N4BP3: variants seen among roughly 807,000 people sequenced by gnomAD.
The protein encoded by N4BP3 is NEDD4-binding protein 3.
A neutral mutation model predicts 43.8 loss-of-function variants in N4BP3; 33 were observed. The ratio of observed to expected loss-of-function variants is 0.75; its 90% CI spans 0.57 to 1.01. The LOEUF (loss-of-function observed/expected upper bound fraction) is 1.01, where lower values mean the gene tolerates loss of function less well. N4BP3 is among the 50% of genes least tolerant of loss of function. N4BP3 has a pLI of 0.00. For missense variants in N4BP3, 756 were observed against 744.2 expected, an observed-to-expected ratio of 1.02 and a Z score of -0.18; for synonymous variants, 326 against 321.9, an observed-to-expected ratio of 1.01 and a Z score of -0.14.
At chr5:178,119,528 C>A in intron 1 of N4BP3, 26 bp from the exon 2 acceptor site, 1 of 1,485,570 alleles carries the variant, frequency 6.7e-7, no homozygotes, top group East Asian at 2.3e-5. Context: ...GCTCACCTGC[C>A]CCTAATGGAG....
In N4BP3 at chr5:178,121,920, C is replaced by T; in HGVS notation, c.1554C>T (p.Asn518=). The T allele has an allele frequency of 6.2e-7, 1 of 1,612,278 alleles. No homozygotes were observed. Among genetic ancestry groups the T allele is most frequent in the Non-Finnish European group, 8.5e-7 (1 of 1,179,842 alleles). ...GGTACATGGACATGTACCGCCGCAA[C>T]CAGGCACTGGAGCAGGAACTGCGGG... ...QGGYMDMYRR[N]QALEQELRAL... is the part of the protein sequence containing the mutation. Residue 518 remains asparagine, a synonymous_variant, in exon 5 of 5, where the codon AAC becomes AAT. Transcript: ENST00000274605.
At position 178,120,234 on chromosome 5, in the gene N4BP3, A is replaced by G. The variant is rs1395269073; in HGVS notation, c.387A>G (p.Leu129=). 1.2e-6 allele frequency: 2 copies of G among 1,602,400 alleles called. No individual in the cohort carries two copies. The highest frequency in any genetic ancestry group is 1.7e-6 in the Non-Finnish European group (2 of 1,173,040). Residue 129 remains leucine (L), a synonymous_variant, in exon 3 of 5, where the codon CTA becomes CTG. Transcript: ENST00000274605. The part of the protein sequence containing the change: ...KPTAGNGKGF[L]SMQSLASHKG... Reference sequence around the variant, plus strand: ...CGGCGGGCAACGGGAAAGGCTTCCTATCCATGCAAAGTCTGGCGTCCCACA... The same window carrying G: ...CGGCGGGCAACGGGAAAGGCTTCCTGTCCATGCAAAGTCTGGCGTCCCACA...
At chr5:178,120,000 G>A in intron 2 of N4BP3, 87 bp downstream of exon 2, 1 of 1,482,274 alleles carries the variant, frequency 6.7e-7, no homozygotes, top group Middle Eastern at 1.8e-4. Context: ...TGGGGACGGG[G>A]CATGCTGAGA....
chr5:178,116,551 AC>A (rs1349864982), intron 1 of N4BP3, among the ~76,000 whole-genome samples: 1 of 152,022 alleles, frequency 6.6e-6, no homozygotes, highest in Non-Finnish European at 1.5e-5. Context: ...CCTGTGGGTG[AC>A]CTTGTGCACA....
intron 2 of N4BP3, 112 bp from the exon 3 acceptor site, chr5:178,120,066 C>A: frequency 1.3e-6 from 2 of 1,481,580 alleles, no homozygotes; most frequent in South Asian, 2.7e-5. Flanking sequence ...CCTGGTGGCA[C>A]GTGCCCCGCG....
rs769741583 is a variant in N4BP3 at position 178,121,764 on chromosome 5, G to A, written c.1398G>A (p.Glu466=). 15 of 1,608,166 alleles carry A rather than the reference G, an allele frequency of 9.3e-6. No individual in the cohort carries two copies. The East Asian group carries it at 1.8e-4, about 19-fold the overall frequency. ...AGGSEARDSA[E]QLRAELLQER... ...GCAGCGAGGCCAGAGACAGTGCTGA[G>A]CAGCTGCGGGCTGAGCTGCTGCAGG... The change falls in exon 5 of 5, where the codon GAG becomes GAA. Residue 466 remains glutamate (E), a synonymous_variant. Transcript: ENST00000274605.
intron 1 of N4BP3, among the ~76,000 whole-genome samples, chr5:178,115,450 G>C (rs937087027): frequency 1.2e-4 from 19 of 152,190 alleles, no homozygotes; most frequent in Non-Finnish European, 1.9e-4. Context: ...CTTTCCCTGG[G>C]GCCAGGGCTC....
chr5:178,120,503 G>A lies in N4BP3; in HGVS notation c.656G>A (p.Gly219Glu), dbSNP rs1186473091. The change falls in exon 3 of 5, where the codon GGG becomes GAG. Residue 219 changes from glycine (G) to glutamate (E), a missense_variant. Gly to Glu is a moderately conservative substitution (Grantham distance 98, BLOSUM62 -2). Transcript: ENST00000274605. ...SSSLGHLNHL[G>E]GSLDRASQGP... is the part of the protein sequence containing the mutation. Reference sequence around the variant, plus strand: ...TCCCTTGGCCACCTTAACCACCTCGGGGGCTCCCTGGACCGGGCCTCTCAA... The same window carrying A: ...TCCCTTGGCCACCTTAACCACCTCGAGGGCTCCCTGGACCGGGCCTCTCAA... 7.4e-6 allele frequency: 12 copies of A among 1,612,950 alleles called. No individual in the cohort carries two copies. The highest frequency in any genetic ancestry group is 1.6e-4 in the Middle Eastern group (1 of 6,084).
chr5:178,121,533 G>T lies in N4BP3; in HGVS notation c.1167G>T (p.Ala389=). The part of the protein sequence containing the change: ...LLKQQLREAQ[A]ELAQKLAEIF... ...AGCAGCAGCTGCGTGAAGCCCAGGCGGAACTGGCCCAGAAGCTGGCGGAGA... is the reference window on the plus strand; with the variant it reads ...AGCAGCAGCTGCGTGAAGCCCAGGCTGAACTGGCCCAGAAGCTGGCGGAGA... Residue 389 remains alanine (A), a synonymous_variant, in exon 5 of 5, where the codon GCG becomes GCT. Coordinates refer to ENST00000274605, the MANE Select transcript of N4BP3 (RefSeq NM_015111.2). 2 of 1,613,866 alleles carry T rather than the reference G, an allele frequency of 1.2e-6. No homozygotes were observed. Among genetic ancestry groups the T allele is most frequent in the Non-Finnish European group, 1.7e-6 (2 of 1,180,010 alleles).
rs1757835257 is a variant in N4BP3, at chr5:178,118,816, G to A, written c.-30-738G>A. 6.6e-6 allele frequency among the ~76,000 whole-genome samples: 1 copy of A among 152,086 alleles called. No homozygotes were observed. The highest frequency in any genetic ancestry group is 6.5e-5 in the Admixed American group (1 of 15,268). On this transcript the variant is annotated intron_variant, in intron 1 of 4. Coordinates refer to ENST00000274605, the MANE Select transcript of N4BP3 (RefSeq NM_015111.2). The surrounding 1 kb of genome is among the most constrained non-coding windows in gnomAD (Gnocchi z 5.4). ...TTCTCCCCACCCCACAGATTTGGTG[G>A]GGAACATGGCAGGAGGGTAAGCAAG...
At chr5:178,120,011 T>TA in intron 2 of N4BP3, 98 bp downstream of exon 2, 1 of 1,476,000 alleles carries the variant, frequency 6.8e-7, no homozygotes, top group Non-Finnish European at 9.0e-7. Context: ...CATGCTGAGA[T>TA]ACGAAAATCG....
rs766183188 is a variant in N4BP3, at chr5:178,120,604, T to C, written c.757T>C (p.Ser253Pro). The C allele has an allele frequency of 3.7e-6, 6 of 1,611,896 alleles. No homozygotes were observed. Among genetic ancestry groups the C allele is most frequent in the Non-Finnish European group, 5.1e-6 (6 of 1,179,936 alleles). The stretch of plus-strand genomic sequence containing the variant: ...ACCACCCCCCTACGAGTTCTCCTGC[T>C]CCTCTGCCGAGGAAATGGGAGCCGT... ...EPPPPYEFSC[S>P]SAEEMGAVLP... The change falls in exon 3 of 5, where the codon TCC (serine) becomes CCC (proline). Residue 253 changes from serine (S) to proline (P), a missense_variant. Coordinates refer to ENST00000274605, the MANE Select transcript of N4BP3 (RefSeq NM_015111.2).
downstream of N4BP3, among the ~76,000 whole-genome samples, chr5:178,126,892 C>T (rs1758076229): frequency 6.6e-6 from 1 of 152,198 alleles, no homozygotes; most frequent in African/African-American, 2.4e-5. Flanking sequence ...TCTGCTGCCA[C>T]CTCCTCCCAG....
intron 1 of N4BP3, among the ~76,000 whole-genome samples, chr5:178,114,376 C>G (rs531683374): frequency 1.3e-5 from 2 of 152,248 alleles, no homozygotes; most frequent in Non-Finnish European, 2.9e-5. Flanking sequence ...CCTGCCGGTC[C>G]ACCAGGCTGC....
At chr5:178,117,729 G>A (rs1299362530) in intron 1 of N4BP3, among the ~76,000 whole-genome samples, 1 of 151,342 alleles carries the variant, frequency 6.6e-6, no homozygotes, top group Non-Finnish European at 1.5e-5. Flanking sequence ...TTCCTTACCT[G>A]GATGCATCTC....
At position 178,123,304 on chromosome 5, in the gene N4BP3, C is replaced by G. The variant is rs1429146153; in HGVS notation, c.*1303C>G. 1 of 152,368 alleles carries G rather than the reference C, an allele frequency of 6.6e-6. No homozygotes were observed. The highest frequency in any genetic ancestry group is 1.5e-5 in the Non-Finnish European group (1 of 68,148). The allele number at this position is 152,368 out of a possible 1,614,324, so 9.4% of individuals were successfully genotyped here. On this transcript the variant is annotated 3_prime_UTR_variant, in exon 5 of 5. Coordinates refer to ENST00000274605, the MANE Select transcript of N4BP3 (RefSeq NM_015111.2). ...TCGTTGGACGGGCTGCCATGCATTGCGTGCTTACTGGGCGCCAGGTGCTGT... is the reference window on the plus strand; with the variant it reads ...TCGTTGGACGGGCTGCCATGCATTGGGTGCTTACTGGGCGCCAGGTGCTGT...
At position 178,122,019 on chromosome 5, in the gene N4BP3, G is replaced by A. The variant is rs1420981793; in HGVS notation, c.*18G>A. ...AGATCTGAGGCCAGCAGAGCGAGCT[G>A]ACAGCAGCAACACTGTCAGAAGGTG... On this transcript the variant is annotated 3_prime_UTR_variant, in exon 5 of 5. Coordinates refer to ENST00000274605, the MANE Select transcript of N4BP3 (RefSeq NM_015111.2). The A allele has an allele frequency of 4.5e-6, 7 of 1,567,730 alleles. No individual in the cohort carries two copies. The highest frequency in any genetic ancestry group is 6.0e-6 in the Non-Finnish European group (7 of 1,158,134).
Position 178,121,972 on chromosome 5 carries a change from A to G in N4BP3, c.1606A>G (p.Ser536Gly). 6.2e-7 allele frequency: 1 copy of G among 1,605,432 alleles called. No individual in the cohort carries two copies. Among genetic ancestry groups the G allele is most frequent in the South Asian group, 1.1e-5 (1 of 90,368 alleles). ...ACTGCGGGAGCCCCCCACACCCTGG[A>G]GTCCCCGGCTCGAGTCCTCCAAGAT... ...RALREPPTPW[S>G]PRLESSKI The change falls in exon 5 of 5, where the codon AGT (serine) becomes GGT (glycine). Residue 536 changes from serine to glycine, a missense_variant. Coordinates refer to ENST00000274605, the MANE Select transcript of N4BP3 (RefSeq NM_015111.2).
At chr5:178,120,806 A>G in intron 3 of N4BP3, 107 bp downstream of exon 3, 1 of 1,395,924 alleles carries the variant, frequency 7.2e-7, no homozygotes, top group Non-Finnish European at 9.4e-7. Flanking sequence ...GACACAAGAG[A>G]GCAAGAAAGG....
Sources: allele counts gnomAD v4.1 joint callset (sites outside exome capture counted in the v4.1 genomes callset), GRCh38; gene constraint gnomAD v4.1.1; non-coding constraint Gnocchi (gnomAD v3.1); transcripts MANE v1.5; gene names NCBI Gene and HGNC (gene_info 2026-07-23, HGNC 2026-07-21).